The following CCL28 variants were observed in gnomAD, a reference collection of about 807,000 sequenced individuals.
The protein encoded by CCL28 is C-C motif chemokine ligand 28.
In CCL28, 4 loss-of-function variants were observed where a neutral mutation model predicts 7.1. The observed-to-expected ratio is 0.56, with a 90% CI of 0.28 to 1.29. CCL28 has a LOEUF of 1.29. Among genes scored for constraint, CCL28 ranks in the 50% most tolerant of loss-of-function variants. The pLI is 0.11. For missense variants in CCL28, 151 were observed against 163.4 expected (o/e 0.92, Z 0.41); for synonymous variants, 55 against 57.8 (o/e 0.95, Z 0.22).
At chr5:43,383,069 T>C (rs1740187629) in intron 2 of CCL28, among the ~76,000 whole-genome samples, 1 of 152,172 alleles carries the variant, frequency 6.6e-6, no homozygotes, top group South Asian at 2.1e-4. Flanking sequence ...TCCACTCGCC[T>C]CAGCCCCCGA....
At chr5:43,389,237 G>A (rs937291917) in intron 1 of CCL28, among the ~76,000 whole-genome samples, 1 of 152,212 alleles carries the variant, frequency 6.6e-6, no homozygotes, top group South Asian at 2.1e-4. Context: ...ACACAATTCT[G>A]TGAATATATT....
Position 43,396,426 on chromosome 5 carries a change from C to T in CCL28, c.65-7950G>A, listed in dbSNP as rs148203752. Among the ~76,000 whole-genome samples, 754 of 152,242 alleles carry T rather than the reference C, an allele frequency of 5.0e-3. 11 individuals are homozygous for T. The highest frequency in any genetic ancestry group is 0.016 in the African/African-American group (652 of 41,542). On this transcript the variant is annotated intron_variant, in intron 1 of 2. Coordinates refer to ENST00000361115, the MANE Select transcript of CCL28 (RefSeq NM_148672.3). ...GGAATGCAGCTTAGTAGGTTTCAGC[C>T]TCATTTTACCTAGCTCCTATTTTAA...
At chr5:43,404,401 C>G (rs1027748326) in intron 1 of CCL28, among the ~76,000 whole-genome samples, 3 of 152,114 alleles carry the variant, frequency 2.0e-5, no homozygotes, top group Non-Finnish European at 2.9e-5. Flanking sequence ...TCATATCCAC[C>G]CAAACTAAGC....
At chr5:43,372,000 G>A (rs527320757), downstream of CCL28, among the ~76,000 whole-genome samples, 3 of 152,246 alleles carry the variant, frequency 2.0e-5, no homozygotes, top group East Asian at 5.8e-4. Flanking sequence ...CATGGTAAGA[G>A]AGGAAGCAAG....
the CCL28 span, among the ~76,000 whole-genome samples, chr5:43,362,704 T>C: frequency 6.6e-5 from 10 of 152,350 alleles, no homozygotes; most frequent in South Asian, 2.1e-3. Flanking sequence ...TGATTTCTTA[T>C]ACAGCAATAT....
chr5:43,370,033 C>G, the CCL28 span, among the ~76,000 whole-genome samples: 1 of 152,208 alleles, frequency 6.6e-6, no homozygotes, highest in Non-Finnish European at 1.5e-5. Context: ...GCTCAACTTT[C>G]CTGTCATCCC....
At chr5:43,370,388 A>C in the CCL28 span, among the ~76,000 whole-genome samples, 1 of 151,948 alleles carries the variant, frequency 6.6e-6, no homozygotes, top group Non-Finnish European at 1.5e-5. Context: ...ATGCACAGAC[A>C]ATCTGTTGTC....
chr5:43,386,013 T>TC (rs1487793434), intron 2 of CCL28, among the ~76,000 whole-genome samples: 4 of 152,184 alleles, frequency 2.6e-5, no homozygotes, highest in African/African-American at 9.7e-5. Context: ...CTGTTTTTTT[T>TC]CTCCAAGCCT....
Position 43,389,920 on chromosome 5 carries a change from A to G in CCL28, c.65-1444T>C, listed in dbSNP as rs1054601921. ...TAAACTGGGTAGTTCCGAATAGGGCAACTGTAAAATTCTGTTAGATAACAT... is the reference window on the plus strand; with the variant it reads ...TAAACTGGGTAGTTCCGAATAGGGCGACTGTAAAATTCTGTTAGATAACAT... On this transcript the variant is annotated intron_variant, in intron 1 of 2. Coordinates refer to ENST00000361115, the MANE Select transcript of CCL28 (RefSeq NM_148672.3). Among the ~76,000 whole-genome samples the G allele has an allele frequency of 3.9e-5, 6 of 152,334 alleles. No homozygotes were observed. The East Asian group carries it at 9.6e-4, about 24-fold the overall frequency.
At chr5:43,358,079 T>C in the CCL28 span, among the ~76,000 whole-genome samples, 1 of 152,194 alleles carries the variant, frequency 6.6e-6, no homozygotes, top group Non-Finnish European at 1.5e-5. Flanking sequence ...TCACGCCTTG[T>C]GAAGATACAG....
In CCL28 at chr5:43,379,963, T is replaced by C. The variant is rs559681771; in HGVS notation, c.*1897A>G. On this transcript the variant is annotated 3_prime_UTR_variant, in exon 3 of 3. Transcript: ENST00000361115. ...GGGAAAACCCCGTCTCTACTAAAAA[T>C]ACAAAAATCAGCGGGGTGTGGTGGC... The C allele has an allele frequency of 7.9e-5, 12 of 152,088 alleles. No homozygotes were observed. Among genetic ancestry groups the C allele is most frequent in the African/African-American group, 2.9e-4 (12 of 41,476 alleles). 9.4% of individuals were successfully genotyped at this position (152,088 alleles called of 1,614,324 possible).
the CCL28 span, among the ~76,000 whole-genome samples, chr5:43,363,056 C>T: frequency 1.3e-5 from 2 of 152,278 alleles, no homozygotes; most frequent in African/African-American, 4.8e-5. Context: ...ATCAGTTTAC[C>T]TTTATTTACA....
At chr5:43,366,619 G>C in the CCL28 span, among the ~76,000 whole-genome samples, 1 of 152,194 alleles carries the variant, frequency 6.6e-6, no homozygotes, top group Non-Finnish European at 1.5e-5. Context: ...ATGAGGCATG[G>C]GGGTCAGGGA....
downstream of CCL28, among the ~76,000 whole-genome samples, chr5:43,377,859 A>C (rs1739947846): frequency 6.9e-6 from 1 of 145,234 alleles, no homozygotes; most frequent in Non-Finnish European, 1.5e-5. Flanking sequence ...CAGCCTCCCA[A>C]GTAGCTGGGA....
At chr5:43,392,819 ATTAT>A (rs1490674457) in intron 1 of CCL28, among the ~76,000 whole-genome samples, 1 of 152,204 alleles carries the variant, frequency 6.6e-6, no homozygotes, top group Admixed American at 6.5e-5. Flanking sequence ...TTTTTAAAAA[ATTAT>A]TTATAAGAAC....
the CCL28 span, among the ~76,000 whole-genome samples, chr5:43,366,080 G>A: frequency 6.6e-6 from 1 of 152,056 alleles, no homozygotes; most frequent in Non-Finnish European, 1.5e-5. Flanking sequence ...TTTTTCAAGG[G>A]TCTTAGCTAC....
rs1740096558 is a variant in CCL28, at chr5:43,381,177, T to C, written c.*683A>G. 2.6e-5 allele frequency: 4 copies of C among 152,240 alleles called. No homozygotes were observed. The highest frequency in any genetic ancestry group is 3.4e-3 in the Middle Eastern group (1 of 294). The allele number at this position is 152,240 out of a possible 1,614,324, so 9.4% of individuals were successfully genotyped here. On this transcript the variant is annotated 3_prime_UTR_variant, in exon 3 of 3. Transcript: ENST00000361115. ...ATTTTAAAAGTTATAATATTTTATA[T>C]AGAAACACATACAAAGAGAGGAGAG...
At chr5:43,361,959 G>A in the CCL28 span, among the ~76,000 whole-genome samples, 93 of 151,800 alleles carry the variant, frequency 6.1e-4, 1 homozygote, top group East Asian at 0.015. Flanking sequence ...TTTTTGCTTA[G>A]GATTGCCTTG....
intron 1 of CCL28, among the ~76,000 whole-genome samples, chr5:43,400,739 T>C (rs1243132101): frequency 1.3e-5 from 2 of 151,970 alleles, no homozygotes; most frequent in Admixed American, 1.3e-4. Flanking sequence ...AAGATAAAAA[T>C]GATATAAAAG....
Sources: gnomAD v4.1 joint callset for allele counts (sites outside exome capture counted in the v4.1 genomes callset) on GRCh38, gnomAD v4.1.1 for gene constraint, MANE v1.5 for transcripts, NCBI Gene and HGNC (gene_info 2026-07-23, HGNC 2026-07-21) for gene names.